ADGRA3: variants seen among roughly 807,000 people sequenced by gnomAD.
ADGRA3 encodes the protein adhesion G protein-coupled receptor A3.
ADGRA3 carries 56 observed loss-of-function variants against 119.8 expected under a neutral mutation model. The observed-to-expected ratio is 0.47, with a 90% confidence interval of 0.38 to 0.58. The LOEUF is 0.58. Among genes scored for constraint, ADGRA3 ranks in the 20% least tolerant of loss-of-function variants. The pLI, the probability that ADGRA3 is intolerant of heterozygous loss-of-function variation, is 0.00. For missense variants in ADGRA3, 1,516 were observed against 1,649.0 expected, an observed-to-expected ratio of 0.92 and a Z score of 1.40; for synonymous variants, 607 against 623.8, an observed-to-expected ratio of 0.97 and a Z score of 0.40.
chr4:22,510,721 T>C (rs1315455793), intron 1 of ADGRA3, among the ~76,000 whole-genome samples: 1 of 152,040 alleles, frequency 6.6e-6, no homozygotes, highest in East Asian at 1.9e-4. Context: ...ATCCTTCCCT[T>C]CCTTTAGGCC....
chr4:22,400,405 T>C (rs772961814), intron 16 of ADGRA3, among the ~76,000 whole-genome samples: 26 of 152,136 alleles, frequency 1.7e-4, no homozygotes, highest in Non-Finnish European at 3.5e-4. Context: ...TAGATGAACG[T>C]TGAAACATTA....
intron 1 of ADGRA3, among the ~76,000 whole-genome samples, chr4:22,488,941 T>C (rs1482987617): frequency 1.3e-5 from 2 of 152,118 alleles, no homozygotes; most frequent in Non-Finnish European, 2.9e-5. Context: ...ATAGAGGTTA[T>C]AGGGACTGAG....
chr4:22,435,193 A>C (rs1716344251), intron 10 of ADGRA3, 118 bp downstream of exon 10: 3 of 874,116 alleles, frequency 3.4e-6, no homozygotes, highest in African/African-American at 1.7e-5. Flanking sequence ...GAAATTTAAA[A>C]GCATGCTTTT....
At chr4:22,503,697 T>C (rs371993803) in intron 1 of ADGRA3, among the ~76,000 whole-genome samples, 6 of 152,184 alleles carry the variant, frequency 3.9e-5, no homozygotes, top group Non-Finnish European at 8.8e-5. Flanking sequence ...CTTGGAACCA[T>C]GTATTCTAAC....
chr4:22,422,317 T>A (rs944516238), intron 11 of ADGRA3, among the ~76,000 whole-genome samples: 1 of 152,156 alleles, frequency 6.6e-6, no homozygotes, highest in African/African-American at 2.4e-5. Flanking sequence ...GATACAAATT[T>A]AAAAATACAA....
intron 15 of ADGRA3, 43 bp downstream of exon 15, chr4:22,402,632 A>G (rs1577325496): frequency 6.3e-7 from 1 of 1,587,994 alleles, no homozygotes; most frequent in African/African-American, 1.4e-5. Context: ...AAGTCCTTCA[A>G]ATCAAAGTCC....
chr4:22,423,347 A>G (rs2109039822), intron 11 of ADGRA3, among the ~76,000 whole-genome samples: 1 of 152,354 alleles, frequency 6.6e-6, no homozygotes, highest in African/African-American at 2.4e-5. Flanking sequence ...TAACATCTAA[A>G]AAAGGTCTCA....
At position 22,495,683 on chromosome 4, in the gene ADGRA3, T is replaced by C. The variant is rs541751286; in HGVS notation, c.257+19845A>G. Among the ~76,000 whole-genome samples the C allele has an allele frequency of 6.4e-4, 97 of 150,858 alleles. 4 individuals are homozygous for C. The highest frequency in any genetic ancestry group is 2.2e-3 in the African/African-American group (90 of 40,844). On this transcript the variant is annotated intron_variant, in intron 1 of 18. Transcript: ENST00000334304. The stretch of plus-strand genomic sequence containing the variant: ...CAGCACTTTGGGAGGCCAGGGCGGG[T>C]GGATGACGAGGTCAGGAGATCGAGA...
At position 22,509,039 on chromosome 4, in the gene ADGRA3, C is replaced by A. The variant is rs543336742; in HGVS notation, c.257+6489G>T. ...CAAGACAAGGTATTGTGCTGAACCC[C>A]TACCCACTCCAGATGGGATTGCACC... On this transcript the variant is annotated intron_variant, in intron 1 of 18. Transcript: ENST00000334304. 6.6e-5 allele frequency among the ~76,000 whole-genome samples: 10 copies of A among 152,194 alleles called. 1 individual carries two copies. The highest frequency in any genetic ancestry group is 2.4e-4 in the African/African-American group (10 of 41,544).
intron 14 of ADGRA3, 94 bp downstream of exon 14, chr4:22,413,088 A>AC: frequency 3.1e-6 from 3 of 971,206 alleles, no homozygotes; most frequent in Non-Finnish European, 4.7e-6. Flanking sequence ...AAAAAAAAAA[A>AC]AAACAAAAAA....
At chr4:22,438,061 G>GTC (rs1487615646) in intron 8 of ADGRA3, among the ~76,000 whole-genome samples, 195 bp downstream of exon 8, 4 of 152,210 alleles carry the variant, frequency 2.6e-5, no homozygotes, top group African/African-American at 9.6e-5. Flanking sequence ...CAATCAACAG[G>GTC]TCTGAGATAA....
At chr4:22,455,840 T>A (rs1255738622) in intron 3 of ADGRA3, 3 of 1,287,644 alleles carry the variant, frequency 2.3e-6, no homozygotes, top group South Asian at 2.5e-5. Context: ...ATCATTGTTT[T>A]CAGTGGACTT....
At chr4:22,462,184 ACAT>A (rs1303983068) in intron 2 of ADGRA3, among the ~76,000 whole-genome samples, 1 of 152,212 alleles carries the variant, frequency 6.6e-6, no homozygotes. Context: ...ATTGTGACAA[ACAT>A]CATTCAGTTG....
chr4:22,432,061 T>C (rs1380472438), intron 10 of ADGRA3, among the ~76,000 whole-genome samples: 9 of 152,074 alleles, frequency 5.9e-5, no homozygotes, highest in African/African-American at 1.9e-4. Flanking sequence ...AGGTACAGCA[T>C]AGGTATTAAT....
At chr4:22,413,450 T>C in intron 13 of ADGRA3, 60 bp from the exon 14 acceptor site, 1 of 1,486,582 alleles carries the variant, frequency 6.7e-7, no homozygotes, top group Non-Finnish European at 9.4e-7. Flanking sequence ...ATTATAAATG[T>C]CAACTTCTAC....
chr4:22,431,070 C>T (rs7655339), intron 10 of ADGRA3, among the ~76,000 whole-genome samples: 148,052 of 152,262 alleles, frequency 0.97, 72,125 homozygotes, highest in East Asian at 1. Flanking sequence ...ATTCCTGAAT[C>T]GTCAGGCAGA....
intron 7 of ADGRA3, among the ~76,000 whole-genome samples, chr4:22,441,319 G>C (rs1461630656): frequency 1.3e-5 from 2 of 152,216 alleles, no homozygotes; most frequent in Admixed American, 6.5e-5. Context: ...AGAGGGGACA[G>C]AGCTAGGAGT....
At chr4:22,448,274 A>G (rs983948798) in intron 4 of ADGRA3, among the ~76,000 whole-genome samples, 1 of 152,230 alleles carries the variant, frequency 6.6e-6, no homozygotes, top group African/African-American at 2.4e-5. Flanking sequence ...ACATGCTGGA[A>G]TATAAATGGT....
At chr4:22,461,199 T>A (rs1339317610) in intron 3 of ADGRA3, among the ~76,000 whole-genome samples, 1 of 152,246 alleles carries the variant, frequency 6.6e-6, no homozygotes, top group African/African-American at 2.4e-5. Context: ...AAAGCCGACA[T>A]GGTAATGATT....
Sources: gnomAD v4.1 joint callset for allele counts (sites outside exome capture counted in the v4.1 genomes callset) on GRCh38, gnomAD v4.1.1 for gene constraint, MANE v1.5 for transcripts, NCBI Gene and HGNC (gene_info 2026-07-23, HGNC 2026-07-21) for gene names.